CNTN4: variants seen among roughly 807,000 people sequenced by gnomAD.
CNTN4 encodes the protein contactin-4.
A neutral mutation model predicts 122.5 loss-of-function variants in CNTN4; 77 were observed. The observed-to-expected ratio is 0.63, with a 90% CI of 0.52 to 0.76. The LOEUF is 0.76. Among genes scored for constraint, CNTN4 ranks in the 30% least tolerant of loss-of-function variants. The pLI, the probability that CNTN4 is intolerant of heterozygous loss-of-function variation, is 0.00. For missense variants in CNTN4, 1,256 were observed against 1,259.1 expected, an observed-to-expected ratio of 1.00 and a Z score of 0.04; for synonymous variants, 512 against 447.0, an observed-to-expected ratio of 1.15 and a Z score of -1.83.
chr3:2,648,072 A>G (rs1303545553), intron 4 of CNTN4, among the ~76,000 whole-genome samples: 1 of 152,212 alleles, frequency 6.6e-6, no homozygotes, highest in Non-Finnish European at 1.5e-5. Context: ...AACAACTGCA[A>G]AGAAAACGCT....
At chr3:2,700,257 A>G (rs1013333847) in intron 4 of CNTN4, among the ~76,000 whole-genome samples, 1 of 152,218 alleles carries the variant, frequency 6.6e-6, no homozygotes, top group Non-Finnish European at 1.5e-5. Flanking sequence ...CATCATGTCC[A>G]GTTCTCTCAT....
intron 13 of CNTN4, among the ~76,000 whole-genome samples, chr3:2,930,372 TATAAC>T (rs147715927): frequency 0.022 from 3,317 of 152,310 alleles, 109 homozygotes; most frequent in African/African-American, 0.075. Context: ...AAGTGAATGA[TATAAC>T]ATAGAAAGAC....
At chr3:2,924,188 G>A (rs542946270) in intron 12 of CNTN4, among the ~76,000 whole-genome samples, 1 of 152,118 alleles carries the variant, frequency 6.6e-6, no homozygotes, top group East Asian at 1.9e-4. Context: ...GGCAGTTACC[G>A]AAAGTATTTC....
At chr3:3,044,761 C>T (rs905684547) in intron 23 of CNTN4, among the ~76,000 whole-genome samples, 4 of 152,082 alleles carry the variant, frequency 2.6e-5, no homozygotes, top group Non-Finnish European at 4.4e-5. Context: ...GGACAGTGGG[C>T]GCAGGACAGT....
chr3:3,038,893 T>A, intron 18 of CNTN4, 40 bp from the exon 19 acceptor site: 1 of 1,592,780 alleles, frequency 6.3e-7, no homozygotes, highest in Non-Finnish European at 8.6e-7. Flanking sequence ...TCATTCGCCT[T>A]TGCCGCCTGA....
chr3:2,562,993 G>A (rs1354074577), intron 3 of CNTN4, among the ~76,000 whole-genome samples: 1 of 152,044 alleles, frequency 6.6e-6, no homozygotes, highest in Admixed American at 6.5e-5. Context: ...TTCCCAAAGT[G>A]CTGGGATTAT....
intron 3 of CNTN4, among the ~76,000 whole-genome samples, chr3:2,384,346 T>C (rs911679862): frequency 2.6e-5 from 4 of 152,180 alleles, no homozygotes; most frequent in Admixed American, 1.3e-4. Flanking sequence ...AGCCGTGGCA[T>C]GCTTCCACCA....
intron 4 of CNTN4, among the ~76,000 whole-genome samples, chr3:2,643,212 C>T (rs2082972754): frequency 6.6e-6 from 1 of 152,084 alleles, no homozygotes; most frequent in South Asian, 2.1e-4. Flanking sequence ...CTCTCTCTGT[C>T]TCCCAAACTA....
At chr3:2,314,198 G>A (rs11129097) in intron 2 of CNTN4, among the ~76,000 whole-genome samples, 44,871 of 151,598 alleles carry the variant, frequency 0.3, 7,145 homozygotes, top group Admixed American at 0.4. Flanking sequence ...AGAACATGAA[G>A]TTTCAATAAA....
chr3:2,441,966 TA>T (rs1353165569), intron 3 of CNTN4, among the ~76,000 whole-genome samples: 3 of 152,208 alleles, frequency 2.0e-5, no homozygotes, highest in East Asian at 1.9e-4. Flanking sequence ...CTTAGCAACA[TA>T]TACTTCCTTC....
chr3:2,424,673 G>A (rs1309751113), intron 3 of CNTN4, among the ~76,000 whole-genome samples: 1 of 152,148 alleles, frequency 6.6e-6, no homozygotes, highest in Non-Finnish European at 1.5e-5. Flanking sequence ...CTAGTTTACA[G>A]TCCCACCAAC....
At chr3:2,571,893 C>T (rs898650227) in intron 4 of CNTN4, among the ~76,000 whole-genome samples, 4 of 152,042 alleles carry the variant, frequency 2.6e-5, no homozygotes, top group African/African-American at 9.7e-5. Context: ...ATAATATAGT[C>T]TGGAGTGTTG....
intron 13 of CNTN4, among the ~76,000 whole-genome samples, chr3:2,969,525 T>TATG (rs1553710741): frequency 6.6e-6 from 1 of 151,850 alleles, no homozygotes; most frequent in African/African-American, 2.4e-5. Context: ...GGATTATTAT[T>TATG]ATTATTATTA....
chr3:2,259,913 T>C (rs2040756497), intron 2 of CNTN4, among the ~76,000 whole-genome samples: 1 of 128,946 alleles, frequency 7.8e-6, no homozygotes, highest in African/African-American at 3.6e-5. Flanking sequence ...CCATTCCCAC[T>C]CTTCTTTGTT....
intron 2 of CNTN4, among the ~76,000 whole-genome samples, chr3:2,186,115 G>C (rs1021103109): frequency 7.4e-6 from 1 of 135,200 alleles, no homozygotes; most frequent in African/African-American, 2.9e-5. Flanking sequence ...AGTGTGTGAC[G>C]TTCCCCTTCC....
At chr3:2,782,156 T>A (rs1216452407) in intron 6 of CNTN4, among the ~76,000 whole-genome samples, 1 of 152,002 alleles carries the variant, frequency 6.6e-6, no homozygotes. Context: ...GAAGTCTGTG[T>A]TGATGTTAAT....
At position 2,692,295 on chromosome 3, in the gene CNTN4, A is replaced by G. The variant is rs575020036; in HGVS notation, c.56-43920A>G. 2.6e-5 allele frequency among the ~76,000 whole-genome samples: 4 copies of G among 152,284 alleles called. No individual in the cohort carries two copies. The South Asian group carries it at 8.3e-4, about 32-fold the overall frequency. On this transcript the variant is annotated intron_variant, in intron 4 of 24. Transcript: ENST00000418658. ...TTGATGTTCTCCTTTCGGAAAAGCGATGAAAACCTACAGTGCCCGGTGCTT... is the reference window on the plus strand; with the variant it reads ...TTGATGTTCTCCTTTCGGAAAAGCGGTGAAAACCTACAGTGCCCGGTGCTT...
chr3:3,029,605 A>G (rs1699002552), intron 15 of CNTN4, among the ~76,000 whole-genome samples: 1 of 152,198 alleles, frequency 6.6e-6, no homozygotes, highest in Non-Finnish European at 1.5e-5. Context: ...AACCAAATAC[A>G]TATTAATTTT....
Position 2,297,720 on chromosome 3 carries a change from T to G in CNTN4, c.-144-41458T>G, listed in dbSNP as rs535189076. Among the ~76,000 whole-genome samples the G allele has an allele frequency of 2.0e-5, 3 of 152,194 alleles. No homozygotes were observed. The East Asian group carries it at 5.8e-4, about 29-fold the overall frequency. ...TGTTTTTGTGTGTTTTGTTTGTTTG[T>G]TTTGTTTTGTTTTCTTTTGTTTTGT... is the stretch of plus-strand genomic sequence containing the variant. On this transcript the variant is annotated intron_variant, in intron 2 of 24. Coordinates refer to ENST00000418658, the MANE Select transcript of CNTN4 (RefSeq NM_175607.3).
Sources: allele counts gnomAD v4.1 joint callset (sites outside exome capture counted in the v4.1 genomes callset), GRCh38; gene constraint gnomAD v4.1.1; transcripts MANE v1.5; gene names NCBI Gene and HGNC (gene_info 2026-07-23, HGNC 2026-07-21).